Variants in CHMP7 observed in about 807,000 individuals in gnomAD.
The protein encoded by CHMP7 is CHMP family, member 7.
A neutral mutation model predicts 53.7 loss-of-function variants in CHMP7; 15 were observed. The ratio of observed to expected loss-of-function variants is 0.28; its 90% CI spans 0.19 to 0.43. CHMP7 has a LOEUF of 0.43. CHMP7 is among the 20% of genes least tolerant of loss of function. The pLI is 1.00. For missense variants in CHMP7, 527 were observed against 569.4 expected (o/e 0.93, Z 0.76); for synonymous variants, 261 against 228.0 (o/e 1.14, Z -1.30).
At chr8:23,257,860 A>G (rs1482755219) in intron 5 of CHMP7, among the ~76,000 whole-genome samples, 173 bp from the exon 6 acceptor site, 4 of 152,228 alleles carry the variant, frequency 2.6e-5, no homozygotes, top group African/African-American at 7.2e-5. Flanking sequence ...CAGACTGTCA[A>G]CAGACTTGCC....
chr8:23,259,256 C>T (rs1207968566), intron 9 of CHMP7, 130 bp downstream of exon 9: 5 of 509,220 alleles, frequency 9.8e-6, no homozygotes, highest in Admixed American at 3.5e-5. Flanking sequence ...GCAAGCTCCG[C>T]CTCCCGGGTT....
At chr8:23,258,008 A>T (rs780802390) in intron 5 of CHMP7, 25 bp from the exon 6 acceptor site, 1 of 1,589,804 alleles carries the variant, frequency 6.3e-7, no homozygotes, top group South Asian at 1.1e-5. Context: ...TGGCACAGTA[A>T]TCTTATCTGT....
Position 23,249,373 on chromosome 8 carries a change from C to A in CHMP7, c.463C>A (p.Leu155Met), listed in dbSNP as rs746336236. Residue 155 changes from leucine (L) to methionine (M), a missense_variant, in exon 3 of 11, where the codon CTG becomes ATG. By Grantham distance (15) the Leu-to-Met change is conservative. Coordinates refer to ENST00000397677, the MANE Select transcript of CHMP7 (RefSeq NM_152272.5). ...TGAGGAGGTCCTTGTCGCTGTGGAG[C>A]TGTTGAAGGTGGGTACTCAGAAGGG... ...PAEEVLVAVE[L>M]LKEKAEEVYR... 3.7e-6 allele frequency: 6 copies of A among 1,600,570 alleles called. No individual in the cohort carries two copies. The highest frequency in any genetic ancestry group is 5.1e-6 in the Non-Finnish European group (6 of 1,173,498).
chr8:23,249,859 T>C (rs1040273213), intron 3 of CHMP7, among the ~76,000 whole-genome samples: 1 of 152,138 alleles, frequency 6.6e-6, no homozygotes, highest in African/African-American at 2.4e-5. Context: ...ACTGGGGCCA[T>C]GGTCCCGTCC....
At chr8:23,251,014 G>C (rs1801907845) in intron 3 of CHMP7, among the ~76,000 whole-genome samples, 1 of 152,176 alleles carries the variant, frequency 6.6e-6, no homozygotes, top group Admixed American at 6.5e-5. Context: ...CAGTGGCCTG[G>C]TCTCCAGGGC....
In CHMP7 at chr8:23,261,238, T is replaced by C; in HGVS notation, c.*639T>C. On this transcript the variant is annotated 3_prime_UTR_variant, in exon 11 of 11. Transcript: ENST00000397677. ...CAGAGTCGTGACAGTCCGGAGGGGC[T>C]GGTGTGGCCGGTGGGCGCTGCCTCT... The C allele has an allele frequency of 6.5e-6, 1 of 153,214 alleles. No individual in the cohort carries two copies. The highest frequency in any genetic ancestry group is 1.5e-5 in the Non-Finnish European group (1 of 68,734). The allele number at this position is 153,214 out of a possible 1,614,324, so 9.5% of individuals were successfully genotyped here. A position where few individuals can be genotyped will look rare whatever the true frequency, so the allele number is the denominator to read the frequency against.
At chr8:23,249,952 C>T (rs1313054802) in intron 3 of CHMP7, among the ~76,000 whole-genome samples, 2 of 152,206 alleles carry the variant, frequency 1.3e-5, no homozygotes, top group Non-Finnish European at 2.9e-5. Flanking sequence ...CTCCCTTCCT[C>T]AGCAACACCC....
chr8:23,247,049 G>T, intron 2 of CHMP7, 55 bp downstream of exon 2: 1 of 1,445,146 alleles, frequency 6.9e-7, no homozygotes, highest in Non-Finnish European at 9.1e-7. Context: ...AGCTCTCGGA[G>T]GGCCGGGCCC....
chr8:23,258,545 CT>C, intron 7 of CHMP7, 96 bp downstream of exon 7: 1 of 1,531,320 alleles, frequency 6.5e-7, no homozygotes, highest in Non-Finnish European at 9.0e-7. Flanking sequence ...TCCCTGGGTT[CT>C]TTCGGGATGT....
chr8:23,244,280 T>C (rs1801615427), intron 1 of CHMP7, among the ~76,000 whole-genome samples: 1 of 152,244 alleles, frequency 6.6e-6, no homozygotes, highest in Non-Finnish European at 1.5e-5. Context: ...TTTTGTGTTT[T>C]TACATTTAAG....
At position 23,255,423 on chromosome 8, in the gene CHMP7, C is replaced by T. The variant is rs144111266; in HGVS notation, c.648C>T (p.Asn216=). ...KEKRVTVLEQ[N]GEKIVKFARG... ...AGAGGGTCACAGTCCTCGAGCAGAA[C>T]GGGGAGAAGGTATGGAGGCTCATCT... Residue 216 remains asparagine, a synonymous_variant, in exon 4 of 11, where the codon AAC becomes AAT. Transcript: ENST00000397677. The T allele has an allele frequency of 2.5e-5, 40 of 1,613,942 alleles. No homozygotes were observed. Among genetic ancestry groups the T allele is most frequent in the Non-Finnish European group, 3.1e-5 (36 of 1,179,940 alleles).
rs1047091366 is a variant in CHMP7, at chr8:23,261,240, G to A, written c.*641G>A. ...GAGTCGTGACAGTCCGGAGGGGCTG[G>A]TGTGGCCGGTGGGCGCTGCCTCTTC... is the stretch of plus-strand genomic sequence containing the variant. On this transcript the variant is annotated 3_prime_UTR_variant, in exon 11 of 11. Transcript: ENST00000397677. 2.0e-5 allele frequency: 3 copies of A among 153,084 alleles called. No individual in the cohort carries two copies. Among genetic ancestry groups the A allele is most frequent in the Admixed American group, 6.5e-5 (1 of 15,392 alleles). The allele number at this position is 153,084 out of a possible 1,614,324, so 9.5% of individuals were successfully genotyped here.
rs558028323 is a variant in CHMP7, at chr8:23,258,427, A to C, written c.938A>C (p.Tyr313Ser). 6.2e-7 allele frequency: 1 copy of C among 1,613,904 alleles called. No homozygotes were observed. The highest frequency in any genetic ancestry group is 1.3e-5 in the African/African-American group (1 of 74,892). Residue 313 changes from tyrosine (Y) to serine (S), a missense_variant, in exon 7 of 11, where the codon TAT (tyrosine) becomes TCT (serine). Physicochemically the swap from Tyr to Ser is moderately radical, Grantham distance 144 (BLOSUM62 -2). Transcript: ENST00000397677. Reference sequence around the variant, plus strand: ...GTTCAAGGCATCCTGGACCGGATCTATGCCTCCCAGACAGATCAGATGGTA... The same window carrying C: ...GTTCAAGGCATCCTGGACCGGATCTCTGCCTCCCAGACAGATCAGATGGTA... ...DTVQGILDRI[Y>S]ASQTDQMVFN...
At position 23,246,474 on chromosome 8, in the gene CHMP7, C is replaced by A; in HGVS notation, c.-222C>A. On this transcript the variant is annotated 5_prime_UTR_variant, in exon 2 of 11. Transcript: ENST00000397677. ...GGGAGGAGGGGTCGGCGCAAGCGCT[C>A]GGTGTCTCTCTGAAAAGAACTTCAT... 1 of 564,364 alleles carries A rather than the reference C, an allele frequency of 1.8e-6. No homozygotes were observed. The highest frequency in any genetic ancestry group is 3.1e-6 in the Non-Finnish European group (1 of 320,016). 35.0% of individuals were successfully genotyped at this position (564,364 alleles called of 1,614,324 possible).
chr8:23,246,596 GAGA>G lies in CHMP7; in HGVS notation c.-97_-95del. On this transcript the variant is annotated 5_prime_UTR_variant, in exon 2 of 11. Coordinates refer to ENST00000397677, the MANE Select transcript of CHMP7 (RefSeq NM_152272.5). Reference sequence around the variant, plus strand: ...CTCAGGGCGGCGGTGACGTGTGAACGAGAAGGAGGTGGTCAAGGAACGGAAGCC... The same window carrying G: ...CTCAGGGCGGCGGTGACGTGTGAACGAGGAGGTGGTCAAGGAACGGAAGCC... 1 of 997,976 alleles carries G rather than the reference GAGA, an allele frequency of 1.0e-6. No homozygotes were observed. The highest frequency in any genetic ancestry group is 2.6e-5 in the East Asian group (1 of 38,144). The allele number at this position is 997,976 out of a possible 1,614,324, so 61.8% of individuals were successfully genotyped here.
In CHMP7 at chr8:23,260,805, A is replaced by G; in HGVS notation, c.*206A>G. 1.7e-6 allele frequency: 1 copy of G among 604,582 alleles called. No individual in the cohort carries two copies. The highest frequency in any genetic ancestry group is 2.9e-6 in the Non-Finnish European group (1 of 341,186). The allele number at this position is 604,582 out of a possible 1,614,324, so 37.5% of individuals were successfully genotyped here. ...AGGCTTGCTCCCAGCTGTATCATGG[A>G]CCTGCCTTCTCATCTTTATAGTGCC... On this transcript the variant is annotated 3_prime_UTR_variant, in exon 11 of 11. Coordinates refer to ENST00000397677, the MANE Select transcript of CHMP7 (RefSeq NM_152272.5).
chr8:23,258,940 TGAG>T, intron 8 of CHMP7, 110 bp downstream of exon 8: 1 of 1,054,884 alleles, frequency 9.5e-7, no homozygotes, highest in Admixed American at 1.7e-5. Flanking sequence ...CTTGTGAACT[TGAG>T]GAAGCTTTCC....
chr8:23,247,570 C>T (rs1490695193), intron 2 of CHMP7, among the ~76,000 whole-genome samples: 1 of 152,114 alleles, frequency 6.6e-6, no homozygotes, highest in East Asian at 1.9e-4. Flanking sequence ...GATACGTGTG[C>T]GACAGGTGCA....
At chr8:23,255,541 G>A (rs1371226534) in intron 4 of CHMP7, 109 bp downstream of exon 4, 22 of 865,366 alleles carry the variant, frequency 2.5e-5, no homozygotes, top group Middle Eastern at 5.7e-4. Flanking sequence ...GTAACCTGCC[G>A]TCAACCACGG....
Sources: allele counts gnomAD v4.1 joint callset (sites outside exome capture counted in the v4.1 genomes callset), GRCh38; gene constraint gnomAD v4.1.1; transcripts MANE v1.5; gene names NCBI Gene and HGNC (gene_info 2026-07-23, HGNC 2026-07-21).